Variants in HECW1 observed in about 807,000 individuals in gnomAD.
The protein encoded by HECW1 is HECT, C2 and WW domain containing E3 ubiquitin protein ligase 1.
A neutral mutation model predicts 182.3 loss-of-function variants in HECW1; 61 were observed. The ratio of observed to expected loss-of-function variants is 0.33; its 90% confidence interval spans 0.27 to 0.41. The LOEUF is 0.41. Among genes scored for constraint, HECW1 ranks in the 10% least tolerant of loss-of-function variants. The pLI is 1.00. For missense variants in HECW1, 1,739 were observed against 2,108.9 expected (o/e 0.82, Z 3.44); for synonymous variants, 859 against 832.6 (o/e 1.03, Z -0.55).
chr7:43,498,286 C>G (rs1462346339), intron 19 of HECW1, among the ~76,000 whole-genome samples: 1 of 152,202 alleles, frequency 6.6e-6, no homozygotes, highest in Non-Finnish European at 1.5e-5. Context: ...ACTTTCTAAA[C>G]TGGGGACTGC....
At chr7:43,127,678 A>G (rs1221712016) in intron 2 of HECW1, among the ~76,000 whole-genome samples, 2 of 152,152 alleles carry the variant, frequency 1.3e-5, no homozygotes, top group South Asian at 2.1e-4. Context: ...CTCCAATTCT[A>G]TGAAGGCTGA....
chr7:43,209,689 A>G (rs907316335), intron 2 of HECW1, among the ~76,000 whole-genome samples: 7 of 152,208 alleles, frequency 4.6e-5, no homozygotes, highest in African/African-American at 1.4e-4. Context: ...TGGAGTATCA[A>G]TGTCTTTCCA....
In HECW1 at chr7:43,146,814, C is replaced by G. The variant is rs1404261920; in HGVS notation, c.-32+32423C>G. 2.6e-5 allele frequency among the ~76,000 whole-genome samples: 4 copies of G among 152,204 alleles called. No individual in the cohort carries two copies. In the East Asian group the frequency reaches 5.8e-4, roughly 22 times the overall value. ...GCAGGGCACTGGCCAAGCCCCATGT[C>G]TGTGCACAGACAGCTCATGGCCCAT... On this transcript the variant is annotated intron_variant, in intron 2 of 29. Coordinates refer to ENST00000395891, the MANE Select transcript of HECW1 (RefSeq NM_015052.5).
At chr7:43,217,382 A>G (rs1449305633) in intron 2 of HECW1, among the ~76,000 whole-genome samples, 1 of 152,242 alleles carries the variant, frequency 6.6e-6, no homozygotes, top group Non-Finnish European at 1.5e-5. Flanking sequence ...CAGATAAGAA[A>G]TAAGAAACAT....
intron 2 of HECW1, among the ~76,000 whole-genome samples, chr7:43,152,203 GA>G (rs11325664): frequency 0.84 from 127,591 of 152,100 alleles, 53,895 homozygotes; most frequent in East Asian, 0.98. Flanking sequence ...TAATTTCTGG[GA>G]AAAAAAATGT....
intron 2 of HECW1, among the ~76,000 whole-genome samples, chr7:43,198,576 A>G (rs1242467046): frequency 7.0e-6 from 1 of 142,658 alleles, no homozygotes; most frequent in African/African-American, 2.6e-5. Flanking sequence ...ACACATTCAC[A>G]TACCACACAC....
intron 5 of HECW1, among the ~76,000 whole-genome samples, chr7:43,356,043 C>G (rs949569468): frequency 6.6e-6 from 1 of 151,926 alleles, no homozygotes; most frequent in African/African-American, 2.4e-5. Flanking sequence ...TGGCAGTAAT[C>G]AGTCCTTACT....
chr7:43,440,278 A>ACTGG (rs2076844865), intron 9 of HECW1: 1 of 152,742 alleles, frequency 6.5e-6, no homozygotes, highest in African/African-American at 2.4e-5. Context: ...CTCCACCTGT[A>ACTGG]CTGGCTGCCT....
At position 43,444,478 on chromosome 7, in the gene HECW1, G is replaced by A. The variant is rs761818315; in HGVS notation, c.1306G>A (p.Glu436Lys). ...GDQGMVSVGPEGAGELLAQVQ... is the reference protein window; with the variant it reads ...GDQGMVSVGPKGAGELLAQVQ... ...CCAGGGCATGGTCTCTGTGGGACCT[G>A]AAGGGGCTGGGGAGCTCCTGGCCCA... The change falls in exon 11 of 30, where the codon GAA (glutamate) becomes AAA (lysine). Residue 436 changes from glutamate (E) to lysine (K), a missense_variant. Around this residue, in one of 5 missense-constraint regions of HECW1, gnomAD observed 971 missense variants for 1,029.1 expected, o/e 0.94. Transcript: ENST00000395891. The surrounding 1 kb of genome is among the most constrained non-coding windows in gnomAD (Gnocchi z 4.3). 8 of 1,613,238 alleles carry A rather than the reference G, an allele frequency of 5.0e-6. No individual in the cohort carries two copies. In the South Asian group the frequency reaches 8.8e-5, roughly 18 times the overall value.
chr7:43,303,011 G>A (rs1481081791), intron 3 of HECW1, among the ~76,000 whole-genome samples: 3 of 151,936 alleles, frequency 2.0e-5, no homozygotes, highest in African/African-American at 7.3e-5. Flanking sequence ...TAAACCAGAG[G>A]AGGTGCTAAA....
intron 13 of HECW1, among the ~76,000 whole-genome samples, chr7:43,463,269 A>G (rs184948491): frequency 2.0e-5 from 3 of 152,332 alleles, no homozygotes; most frequent in Non-Finnish European, 4.4e-5. Flanking sequence ...CTGCTAGCCC[A>G]GTTTGTACAC....
intron 5 of HECW1, among the ~76,000 whole-genome samples, chr7:43,357,787 ATAAT>A (rs1384680752): frequency 1.3e-5 from 2 of 152,128 alleles, no homozygotes; most frequent in Admixed American, 6.5e-5. Context: ...AAAAAGACAA[ATAAT>A]TAAGATGATG....
chr7:43,346,099 A>G (rs1813645938), intron 5 of HECW1, among the ~76,000 whole-genome samples: 1 of 152,158 alleles, frequency 6.6e-6, no homozygotes, highest in Non-Finnish European at 1.5e-5. Context: ...GTACTAGTTT[A>G]CATTCCCACC....
chr7:43,560,049 T>C (rs1585307983), intron 29 of HECW1, among the ~76,000 whole-genome samples: 1 of 152,178 alleles, frequency 6.6e-6, no homozygotes, highest in East Asian at 1.9e-4. Flanking sequence ...CCAGTTAAAA[T>C]GACCAGAGGA....
At position 43,496,197 on chromosome 7, in the gene HECW1, C is replaced by T. The variant is rs113998739; in HGVS notation, c.3437+3017C>T. ...ATTGGAAAAAAAACTTGGAAATTAT[C>T]TAGTATGGAAACTAATAACCTATTT... On this transcript the variant is annotated intron_variant, in intron 19 of 29. Transcript: ENST00000395891. Among the ~76,000 whole-genome samples, 1,229 of 150,522 alleles carry T rather than the reference C, an allele frequency of 8.2e-3. 18 individuals carry two copies. Among genetic ancestry groups the T allele is most frequent in the African/African-American group, 0.029 (1,171 of 40,836 alleles).
intron 5 of HECW1, among the ~76,000 whole-genome samples, chr7:43,322,423 C>CA (rs1223201134): frequency 6.6e-6 from 1 of 152,158 alleles, no homozygotes; most frequent in Admixed American, 6.5e-5. Flanking sequence ...CCATGCCAGG[C>CA]AAAATCCCTT....
intron 5 of HECW1, among the ~76,000 whole-genome samples, chr7:43,357,528 T>C (rs1315478254): frequency 6.6e-6 from 1 of 152,046 alleles, no homozygotes; most frequent in Non-Finnish European, 1.5e-5. Context: ...CTCATGGAGA[T>C]TGAGAGTAGA....
intron 20 of HECW1, 149 bp from the exon 21 acceptor site, chr7:43,501,064 C>A (rs570149396): frequency 1.6e-6 from 1 of 609,688 alleles, no homozygotes; most frequent in South Asian, 2.1e-5. Flanking sequence ...CAGCATGTAC[C>A]TATCTTTCTG....
intron 2 of HECW1, among the ~76,000 whole-genome samples, chr7:43,176,747 G>A (rs1792290086): frequency 1.3e-5 from 2 of 152,214 alleles, no homozygotes; most frequent in Admixed American, 6.5e-5. Flanking sequence ...CAACACTGCT[G>A]CATGGCGGAC....
Sources: allele counts gnomAD v4.1 joint callset (sites outside exome capture counted in the v4.1 genomes callset), GRCh38; gene constraint gnomAD v4.1.1; regional missense constraint gnomAD v4.1.1; non-coding constraint Gnocchi (gnomAD v3.1); transcripts MANE v1.5; gene names NCBI Gene and HGNC (gene_info 2026-07-23, HGNC 2026-07-21).